Variants in NCOA2 observed in about 807,000 individuals in gnomAD.
NCOA2 encodes the protein class E basic helix-loop-helix protein 75.
A neutral mutation model predicts 145.1 loss-of-function variants in NCOA2; 21 were observed. The ratio of observed to expected loss-of-function variants is 0.14; its 90% CI spans 0.10 to 0.21. The LOEUF (loss-of-function observed/expected upper bound fraction) is 0.21. NCOA2 is among the 10% of genes least tolerant of loss of function. The pLI, the probability that NCOA2 is intolerant of heterozygous loss-of-function variation, is 1.00. For synonymous variants in NCOA2, 619 were observed against 637.5 expected (o/e 0.97, Z 0.44); for missense variants, 1,472 against 1,837.6 (o/e 0.80, Z 3.64).
intron 4 of NCOA2, 91 bp downstream of exon 4, chr8:70,213,812 A>G (rs1338123095): frequency 7.6e-6 from 8 of 1,047,500 alleles, no homozygotes; most frequent in Non-Finnish European, 5.5e-6. Flanking sequence ...TAAGCATAAG[A>G]AATGGATTAA....
intron 1 of NCOA2, among the ~76,000 whole-genome samples, chr8:70,302,854 A>G (rs1276448995): frequency 6.6e-6 from 1 of 152,222 alleles, no homozygotes; most frequent in Non-Finnish European, 1.5e-5. Context: ...TAACAGATAT[A>G]TAGAAAAAAT....
chr8:70,149,527 C>T (rs897912939), intron 11 of NCOA2, among the ~76,000 whole-genome samples: 1 of 151,212 alleles, frequency 6.6e-6, no homozygotes, highest in African/African-American at 2.4e-5. Context: ...AGGAGAGAGC[C>T]ACCGTGCCTG....
chr8:70,215,677 T>C (rs562723464), intron 3 of NCOA2, among the ~76,000 whole-genome samples: 30 of 152,342 alleles, frequency 2.0e-4, no homozygotes, highest in African/African-American at 7.0e-4. Context: ...AGGTGTTGTT[T>C]TTATTTAATT....
At position 70,213,973 on chromosome 8, in the gene NCOA2, A is replaced by T; in HGVS notation, c.189T>A (p.Phe63Leu). 6.2e-7 allele frequency: 1 copy of T among 1,612,858 alleles called. No homozygotes were observed. Among genetic ancestry groups the T allele is most frequent in the Non-Finnish European group, 8.5e-7 (1 of 1,179,492 alleles). The change falls in exon 4 of 23, where the codon TTT becomes TTA. Residue 63 changes from phenylalanine to leucine, a missense_variant. Phe to Leu is a conservative substitution (Grantham distance 22). Transcript: ENST00000452400. ...IFANFNDIDN[F>L]NFKPDKCAIL... ...TTGCACATTTGTCAGGTTTGAAGTT[A>T]AAGTTGTCTATATCATTAAAATTTG...
At chr8:70,455,379 A>G in the NCOA2 span, among the ~76,000 whole-genome samples, 1,016 of 152,340 alleles carry the variant, frequency 6.7e-3, 4 homozygotes, top group Non-Finnish European at 0.012. Context: ...GCTTTACCAA[A>G]TAGTATTCTT....
rs139056239 is a variant in NCOA2, at chr8:70,265,812, T to TTTGTTGTTGTTGTTG, written c.-20+30917_-20+30931dup. Among the ~76,000 whole-genome samples the TTTGTTGTTGTTGTTG allele has an allele frequency of 3.0e-3, 455 of 151,136 alleles. 4 individuals carry two copies. Among genetic ancestry groups the TTTGTTGTTGTTGTTG allele is most frequent in the African/African-American group, 0.011 (443 of 40,718 alleles). ...AAGAGCAAACCAGAAACTTCAGTTT[T>TTTGTTGTTGTTGTTG]TTGTTGTTGTTGTTGTTGTTGTTTT... On this transcript the variant is annotated intron_variant, in intron 2 of 22. Transcript: ENST00000452400.
chr8:70,149,878 T>C (rs185007295), intron 11 of NCOA2, among the ~76,000 whole-genome samples: 112 of 152,330 alleles, frequency 7.4e-4, no homozygotes, highest in African/African-American at 2.6e-3. Flanking sequence ...TCATCTACAC[T>C]GGCAAATCAA....
At chr8:70,236,688 TA>T (rs1656138146) in intron 2 of NCOA2, among the ~76,000 whole-genome samples, 1 of 151,998 alleles carries the variant, frequency 6.6e-6, no homozygotes, top group African/African-American at 2.4e-5. Context: ...AAAACAACAA[TA>T]AAAGTAATAC....
At chr8:70,223,046 T>C (rs899747342) in intron 2 of NCOA2, among the ~76,000 whole-genome samples, 1 of 152,202 alleles carries the variant, frequency 6.6e-6, no homozygotes, top group Non-Finnish European at 1.5e-5. Flanking sequence ...AGGCCTCAGA[T>C]GAGAAAACAT....
chr8:70,411,404 T>C, the NCOA2 span, among the ~76,000 whole-genome samples: 1 of 152,208 alleles, frequency 6.6e-6, no homozygotes, highest in Non-Finnish European at 1.5e-5. Flanking sequence ...TAGAATTAAA[T>C]TTAATAAGAT....
intron 1 of NCOA2, among the ~76,000 whole-genome samples, chr8:70,385,481 T>A (rs1812580855): frequency 1.3e-5 from 2 of 152,180 alleles, no homozygotes; most frequent in South Asian, 4.1e-4. Context: ...CAGCCTAGAG[T>A]GCAGTGGTGT....
In NCOA2 at chr8:70,393,952, T is replaced by C. The variant is rs773379545; in HGVS notation, c.-77+9748A>G. 3.3e-5 allele frequency among the ~76,000 whole-genome samples: 5 copies of C among 152,320 alleles called. No individual in the cohort carries two copies. The South Asian group carries it at 6.2e-4, about 19-fold the overall frequency. On this transcript the variant is annotated intron_variant, in intron 1 of 22. Transcript: ENST00000452400. ...TGTCAGTAAGTTCAGTCAGCGAATA[T>C]GTCATTTTTTGGTATTACATGTAAT... is the stretch of plus-strand genomic sequence containing the variant.
chr8:70,377,029 T>A (rs1409229410), intron 1 of NCOA2, among the ~76,000 whole-genome samples: 1 of 150,608 alleles, frequency 6.6e-6, no homozygotes, highest in Non-Finnish European at 1.5e-5. Flanking sequence ...ATGACGATGA[T>A]GGCTTTTTCT....
chr8:70,144,140 G>A (rs1406364887), intron 13 of NCOA2, among the ~76,000 whole-genome samples: 2 of 152,226 alleles, frequency 1.3e-5, no homozygotes, highest in African/African-American at 2.4e-5. Context: ...GGGAGCTGGG[G>A]ACCAGATCTG....
At chr8:70,394,661 T>C (rs1161978689) in intron 1 of NCOA2, among the ~76,000 whole-genome samples, 3 of 152,324 alleles carry the variant, frequency 2.0e-5, no homozygotes, top group East Asian at 1.9e-4. Flanking sequence ...GACTACAGTT[T>C]TCACCAATCT....
At chr8:70,362,633 G>C (rs78003763) in intron 1 of NCOA2, among the ~76,000 whole-genome samples, 9,985 of 152,178 alleles carry the variant, frequency 0.066, 512 homozygotes, top group Middle Eastern at 0.099. Flanking sequence ...ATGGTTAAAA[G>C]AAGAAAAAAC....
intron 1 of NCOA2, among the ~76,000 whole-genome samples, chr8:70,352,890 C>T (rs1009867082): frequency 3.3e-5 from 5 of 152,160 alleles, no homozygotes; most frequent in Non-Finnish European, 7.3e-5. Flanking sequence ...GTTTCTGATT[C>T]AATCTGGCCA....
chr8:70,197,259 TCA>T (rs10615951), intron 4 of NCOA2, among the ~76,000 whole-genome samples: 7,417 of 152,288 alleles, frequency 0.049, 601 homozygotes, highest in African/African-American at 0.17. Flanking sequence ...TTCCTTTATA[TCA>T]CTATATATCT....
At chr8:70,208,668 A>G (rs916748720) in intron 4 of NCOA2, among the ~76,000 whole-genome samples, 2 of 152,242 alleles carry the variant, frequency 1.3e-5, no homozygotes, top group African/African-American at 4.8e-5. Context: ...AGGGCTCTTC[A>G]TAAGAATAAT....
Sources: allele counts gnomAD v4.1 joint callset (sites outside exome capture counted in the v4.1 genomes callset), GRCh38; gene constraint gnomAD v4.1.1; transcripts MANE v1.5; gene names NCBI Gene and HGNC (gene_info 2026-07-23, HGNC 2026-07-21).